Variants in OTUD7A observed in about 807,000 individuals in gnomAD.
OTUD7A encodes the protein OTU deubiquitinase 7A, also known as OTU domain-containing protein 7A.
A neutral mutation model predicts 65.7 loss-of-function variants in OTUD7A; 12 were observed. That is an observed-to-expected ratio of 0.18 (90% confidence interval 0.12 to 0.30). The LOEUF (loss-of-function observed/expected upper bound fraction) is 0.30. Among genes scored for constraint, OTUD7A ranks in the 10% least tolerant of loss-of-function variants. OTUD7A has a pLI of 1.00. For missense variants in OTUD7A, 1,148 were observed against 1,304.8 expected, an observed-to-expected ratio of 0.88 and a Z score of 1.85; for synonymous variants, 641 against 586.3, an observed-to-expected ratio of 1.09 and a Z score of -1.35.
At chr15:31,668,179 A>T (rs1892371740) in intron 1 of OTUD7A, among the ~76,000 whole-genome samples, 1 of 152,178 alleles carries the variant, frequency 6.6e-6, no homozygotes, top group African/African-American at 2.4e-5. Context: ...CTTGTATTTG[A>T]ATGACTAGGT....
At chr15:31,840,457 T>TAA (rs1567049581) in intron 1 of OTUD7A, among the ~76,000 whole-genome samples, 1 of 151,374 alleles carries the variant, frequency 6.6e-6, no homozygotes, top group Non-Finnish European at 1.5e-5. Flanking sequence ...AAAATAAAAA[T>TAA]AAAAATAAAA....
intron 3 of OTUD7A, among the ~76,000 whole-genome samples, chr15:31,591,447 C>A (rs1175634350): frequency 6.6e-6 from 1 of 152,212 alleles, no homozygotes; most frequent in African/African-American, 2.4e-5. Context: ...ACGCACATTG[C>A]CCTCCCCAAC....
At chr15:31,686,730 G>A (rs1171078064) in intron 1 of OTUD7A, among the ~76,000 whole-genome samples, 1 of 152,192 alleles carries the variant, frequency 6.6e-6, no homozygotes, top group Non-Finnish European at 1.5e-5. Flanking sequence ...GGTTGATATT[G>A]CCCCAGAAAG....
intron 3 of OTUD7A, among the ~76,000 whole-genome samples, chr15:31,581,750 T>A (rs916743219): frequency 7.9e-5 from 12 of 152,354 alleles, no homozygotes; most frequent in Admixed American, 7.2e-4. Flanking sequence ...CTCTTAGGCC[T>A]CCAGGCCTCC....
chr15:31,665,993 C>A (rs536920660), intron 1 of OTUD7A, among the ~76,000 whole-genome samples: 3 of 151,394 alleles, frequency 2.0e-5, no homozygotes, highest in Admixed American at 1.3e-4. Context: ...TCCCTTCATC[C>A]CTCGTATGAA....
rs894341568 is a variant in OTUD7A, at chr15:31,483,835, C to A, written c.2261G>T (p.Gly754Val). 5 of 984,296 alleles carry A rather than the reference C, an allele frequency of 5.1e-6. No individual in the cohort carries two copies. The highest frequency in any genetic ancestry group is 4.6e-5 in the South Asian group (1 of 21,978). 61.0% of individuals were successfully genotyped at this position (984,296 alleles called of 1,614,324 possible). The change falls in exon 13 of 13, where the codon GGA (glycine) becomes GTA (valine). Residue 754 changes from glycine (G) to valine (V), a missense_variant. Physicochemically the swap from Gly to Val is moderately radical, Grantham distance 109. Around this residue, in one of 6 missense-constraint regions of OTUD7A, gnomAD observed 842 missense variants for 769.5 expected, o/e 1.09. Coordinates refer to ENST00000307050, the MANE Select transcript of OTUD7A (RefSeq NM_001382637.1). ...GCTGGCGCTCGCACGCCGCGCGCCT[C>A]CCCCCGGGGAGGCCGTGCCGCCCGC... ...AAAGGTASPGGGARRASASGP... is the reference protein window; with the variant it reads ...AAAGGTASPGVGARRASASGP...
intron 8 of OTUD7A, among the ~76,000 whole-genome samples, chr15:31,524,793 G>A (rs992279447): frequency 7.2e-5 from 11 of 152,180 alleles, no homozygotes; most frequent in Non-Finnish European, 1.3e-4. Context: ...TTCCTAAAGG[G>A]ACCTAATCCT....
Position 31,590,359 on chromosome 15 carries a change from AT to A in OTUD7A, c.152-20163del, listed in dbSNP as rs1418814932. Among the ~76,000 whole-genome samples the A allele has an allele frequency of 1.7e-4, 26 of 152,346 alleles. 1 individual carries two copies. The highest frequency in any genetic ancestry group is 3.4e-4 in the Non-Finnish European group (23 of 68,032). Reference sequence around the variant, plus strand: ...ACATGTCTCATAAGGTATTTCTGTCATTCAGTGATGAATGACTATATATGTG... The same window carrying A: ...ACATGTCTCATAAGGTATTTCTGTCATCAGTGATGAATGACTATATATGTG... On this transcript the variant is annotated intron_variant, in intron 3 of 12. Coordinates refer to ENST00000307050, the MANE Select transcript of OTUD7A (RefSeq NM_001382637.1).
chr15:31,654,839 C>A (rs4779910), intron 3 of OTUD7A, among the ~76,000 whole-genome samples: 3 of 151,968 alleles, frequency 2.0e-5, no homozygotes, highest in Non-Finnish European at 4.4e-5. Flanking sequence ...TTTTCGTCTC[C>A]GCTAACACAG....
rs796644599 is a variant in OTUD7A, at chr15:31,482,096, G to T, written c.*1198C>A. ...GGCTGCATATTGCTGCTCAAAACAG[G>T]GTAGCTAAGGACACATTTTTTTTTT... is the stretch of plus-strand genomic sequence containing the variant. On this transcript the variant is annotated 3_prime_UTR_variant, in exon 13 of 13. Coordinates refer to ENST00000307050, the MANE Select transcript of OTUD7A (RefSeq NM_001382637.1). The T allele has an allele frequency of 2.6e-5, 4 of 152,354 alleles. No individual in the cohort carries two copies. Among genetic ancestry groups the T allele is most frequent in the East Asian group, 1.9e-4 (1 of 5,192 alleles). 9.4% of individuals were successfully genotyped at this position (152,354 alleles called of 1,614,324 possible).
chr15:31,822,043 C>G (rs777969599), intron 1 of OTUD7A, among the ~76,000 whole-genome samples: 4 of 152,154 alleles, frequency 2.6e-5, no homozygotes, highest in Non-Finnish European at 5.9e-5. Flanking sequence ...ATATTTTCTC[C>G]CATTCTATGG....
intron 9 of OTUD7A, among the ~76,000 whole-genome samples, chr15:31,503,176 G>T (rs2041498486): frequency 6.6e-6 from 1 of 152,218 alleles, no homozygotes. Context: ...TCTAGAAGGG[G>T]CTGTGCACAG....
In OTUD7A at chr15:31,475,685, T is replaced by C. The variant is rs904876178; in HGVS notation, c.*7609A>G. 6.6e-6 allele frequency: 1 copy of C among 152,232 alleles called. No individual in the cohort carries two copies. The highest frequency in any genetic ancestry group is 2.4e-5 in the African/African-American group (1 of 41,470). 9.4% of individuals were successfully genotyped at this position (152,232 alleles called of 1,614,324 possible). A position where few individuals can be genotyped will look rare whatever the true frequency, so the allele number is the denominator to read the frequency against. On this transcript the variant is annotated 3_prime_UTR_variant, in exon 13 of 13. Coordinates refer to ENST00000307050, the MANE Select transcript of OTUD7A (RefSeq NM_001382637.1). ...GAAGACAGCTCTTACAATGGGTTTC[T>C]TCTCCAAGAATGGACCGGATTGAAA...
intron 1 of OTUD7A, chr15:31,767,867 A>C: frequency 8.4e-7 from 1 of 1,196,346 alleles, no homozygotes; most frequent in East Asian, 2.3e-5. Flanking sequence ...CCTTCGTGGT[A>C]GAGTTTTAAG....
At chr15:31,761,420 G>T (rs566300674) in intron 1 of OTUD7A, among the ~76,000 whole-genome samples, 1 of 152,178 alleles carries the variant, frequency 6.6e-6, no homozygotes, top group Non-Finnish European at 1.5e-5. Context: ...CACATGAAAA[G>T]ATACTCAACA....
intron 3 of OTUD7A, among the ~76,000 whole-genome samples, chr15:31,642,557 T>C (rs183210112): frequency 1.3e-5 from 2 of 152,230 alleles, no homozygotes; most frequent in African/African-American, 4.8e-5. Context: ...CAACTTAGAT[T>C]TCTTTAATAA....
intron 1 of OTUD7A, among the ~76,000 whole-genome samples, chr15:31,659,895 T>C (rs1224457380): frequency 2.6e-5 from 4 of 152,268 alleles, no homozygotes; most frequent in Non-Finnish European, 4.4e-5. Flanking sequence ...TGGGAGCTGA[T>C]GGCCTGGCTG....
intron 1 of OTUD7A, among the ~76,000 whole-genome samples, chr15:31,684,534 G>A (rs895630675): frequency 4.6e-5 from 7 of 151,694 alleles, no homozygotes; most frequent in African/African-American, 1.4e-4. Context: ...CTGCAGTCTC[G>A]TCTGAAGGCT....
At chr15:31,602,370 T>C (rs1208607397) in intron 3 of OTUD7A, among the ~76,000 whole-genome samples, 4 of 152,180 alleles carry the variant, frequency 2.6e-5, no homozygotes, top group Non-Finnish European at 5.9e-5. Context: ...ATTATCTCAA[T>C]GGATGCAGAA....
Sources: gnomAD v4.1 joint callset for allele counts (sites outside exome capture counted in the v4.1 genomes callset) on GRCh38, gnomAD v4.1.1 for gene constraint, gnomAD v4.1.1 regional missense constraint, MANE v1.5 for transcripts, NCBI Gene and HGNC (gene_info 2026-07-23, HGNC 2026-07-21) for gene names.